Variants in GMDS observed in about 807,000 individuals in gnomAD.
The protein encoded by GMDS is GDP-mannose 4,6 dehydratase.
A neutral mutation model predicts 49.9 loss-of-function variants in GMDS; 20 were observed. That is an observed-to-expected ratio of 0.40 (90% CI 0.28 to 0.58). The LOEUF (loss-of-function observed/expected upper bound fraction) is 0.58. Ranked by LOEUF, GMDS falls within the 20% of genes least tolerant of loss-of-function variation. The pLI is 0.42. For missense variants in GMDS, 362 were observed against 481.4 expected (o/e 0.75, Z 2.32); for synonymous variants, 177 against 178.6 (o/e 0.99, Z 0.07).
chr6:1,686,218 G>A (rs752226161), intron 9 of GMDS, among the ~76,000 whole-genome samples: 7 of 152,166 alleles, frequency 4.6e-5, no homozygotes, highest in Non-Finnish European at 8.8e-5. Flanking sequence ...GAGATGACGC[G>A]GCCTCTTTCC....
chr6:1,693,155 A>G (rs1034271805), intron 9 of GMDS, among the ~76,000 whole-genome samples: 1 of 152,176 alleles, frequency 6.6e-6, no homozygotes, highest in Non-Finnish European at 1.5e-5. Flanking sequence ...GTGGATTTTA[A>G]TCTTTTCCAG....
chr6:1,837,339 A>G (rs1353327422), intron 7 of GMDS, among the ~76,000 whole-genome samples: 3 of 152,192 alleles, frequency 2.0e-5, no homozygotes, highest in South Asian at 2.1e-4. Flanking sequence ...TCTTCAAAAC[A>G]TATAGTAAGT....
intron 7 of GMDS, among the ~76,000 whole-genome samples, chr6:1,837,876 C>T (rs1756996061): frequency 6.6e-6 from 1 of 152,126 alleles, no homozygotes; most frequent in Non-Finnish European, 1.5e-5. Context: ...GAGACCCAGG[C>T]CTCACAGGGA....
chr6:1,812,919 G>A (rs1312366259), intron 7 of GMDS, among the ~76,000 whole-genome samples: 1 of 151,874 alleles, frequency 6.6e-6, no homozygotes, highest in Non-Finnish European at 1.5e-5. Flanking sequence ...TATTCTCTAG[G>A]TGCTTCTAAA....
intron 1 of GMDS, among the ~76,000 whole-genome samples, chr6:2,208,157 G>T (rs1280792279): frequency 1.3e-5 from 2 of 152,150 alleles, no homozygotes; most frequent in African/African-American, 2.4e-5. Flanking sequence ...GTCAAGAACT[G>T]CTGATTACGG....
chr6:1,627,614 C>A (rs1197147057), intron 9 of GMDS, among the ~76,000 whole-genome samples: 1 of 152,178 alleles, frequency 6.6e-6, no homozygotes, highest in African/African-American at 2.4e-5. Flanking sequence ...ATGAGCTTAT[C>A]TACTGTGCTC....
At chr6:1,867,190 C>A (rs1257633573) in intron 7 of GMDS, among the ~76,000 whole-genome samples, 2 of 152,046 alleles carry the variant, frequency 1.3e-5, no homozygotes, top group African/African-American at 4.8e-5. Context: ...TAAATTGTGA[C>A]CATTTTAAAA....
intron 9 of GMDS, among the ~76,000 whole-genome samples, chr6:1,671,443 G>A (rs1334177071): frequency 4.0e-5 from 6 of 151,740 alleles, no homozygotes; most frequent in South Asian, 4.2e-4. Flanking sequence ...CCACCCCCAC[G>A]CACCCCACCA....
intron 9 of GMDS, among the ~76,000 whole-genome samples, chr6:1,682,107 GT>G: frequency 6.6e-6 from 1 of 152,054 alleles, no homozygotes. Context: ...GTATGTCTAG[GT>G]TTATGAAATG....
At chr6:1,966,207 G>A (rs1018618832) in intron 4 of GMDS, among the ~76,000 whole-genome samples, 1 of 152,022 alleles carries the variant, frequency 6.6e-6, no homozygotes, top group African/African-American at 2.4e-5. Context: ...TTTTGGTTGT[G>A]GTTGGTTTCT....
chr6:2,057,178 C>G (rs1770827929), intron 4 of GMDS, among the ~76,000 whole-genome samples: 1 of 152,172 alleles, frequency 6.6e-6, no homozygotes, highest in African/African-American at 2.4e-5. Context: ...AGGACATCAT[C>G]CCTCTCTCAA....
At chr6:1,631,005 G>T (rs1762983136) in intron 9 of GMDS, among the ~76,000 whole-genome samples, 1 of 152,288 alleles carries the variant, frequency 6.6e-6, no homozygotes, top group East Asian at 1.9e-4. Flanking sequence ...ACTGGTTACT[G>T]TTAATAACTG....
At chr6:1,872,347 C>T (rs961232263) in intron 7 of GMDS, among the ~76,000 whole-genome samples, 1 of 152,192 alleles carries the variant, frequency 6.6e-6, no homozygotes, top group Admixed American at 6.5e-5. Flanking sequence ...TTGCCTATGA[C>T]TTGCATGATG....
chr6:2,067,898 C>T (rs951642092), intron 4 of GMDS, among the ~76,000 whole-genome samples: 9 of 151,436 alleles, frequency 5.9e-5, no homozygotes, highest in Non-Finnish European at 1.2e-4. Flanking sequence ...AGAGGGAATC[C>T]TCCCTAACTC....
chr6:1,899,294 GT>G (rs565806414), intron 7 of GMDS, among the ~76,000 whole-genome samples: 3,705 of 144,476 alleles, frequency 0.026, 78 homozygotes, highest in African/African-American at 0.055. Flanking sequence ...TTTGATTTGT[GT>G]TTTTTTTTTT....
At chr6:1,685,163 G>A (rs1039797177) in intron 9 of GMDS, among the ~76,000 whole-genome samples, 2 of 152,114 alleles carry the variant, frequency 1.3e-5, no homozygotes, top group Non-Finnish European at 2.9e-5. Flanking sequence ...TTGGGAGGCC[G>A]AGGTGGGCAG....
At chr6:2,232,434 T>G (rs1372762852) in intron 1 of GMDS, among the ~76,000 whole-genome samples, 2 of 152,138 alleles carry the variant, frequency 1.3e-5, no homozygotes, top group African/African-American at 2.4e-5. Context: ...GCCCATGAAA[T>G]TTACTCACAA....
chr6:1,676,042 C>T (rs1764612576), intron 9 of GMDS, among the ~76,000 whole-genome samples: 1 of 152,178 alleles, frequency 6.6e-6, no homozygotes, highest in Non-Finnish European at 1.5e-5. Context: ...CCCATTGTCT[C>T]AGCCCAAAAT....
At chr6:1,768,427 C>T (rs541642808) in intron 7 of GMDS, among the ~76,000 whole-genome samples, 1 of 152,340 alleles carries the variant, frequency 6.6e-6, no homozygotes, top group African/African-American at 2.4e-5. Context: ...TTGCCAGCTA[C>T]TACCAATATA....
Sources: allele counts gnomAD v4.1 joint callset (sites outside exome capture counted in the v4.1 genomes callset), GRCh38; gene constraint gnomAD v4.1.1; transcripts MANE v1.5; gene names NCBI Gene and HGNC (gene_info 2026-07-23, HGNC 2026-07-21).